The following PARVB variants were observed in gnomAD, a reference collection of about 807,000 sequenced individuals.
The protein encoded by PARVB is beta-parvin.
Under a neutral mutation model 47.0 loss-of-function variants are expected in PARVB, and 46 were observed. The ratio of observed to expected loss-of-function variants is 0.98; its 90% CI spans 0.77 to 1.25. PARVB has a LOEUF of 1.25. PARVB is among the 50% of genes most tolerant of loss of function. The pLI is 0.00. For missense variants in PARVB, 473 were observed against 471.6 expected (o/e 1.00, Z -0.03); for synonymous variants, 196 against 196.3 (o/e 1.00, Z 0.01).
chr22:44,125,458 G>A lies in PARVB; in HGVS notation c.377-6029G>A, dbSNP rs2147143453. 6.6e-6 allele frequency among the ~76,000 whole-genome samples: 1 copy of A among 152,298 alleles called. No individual in the cohort carries two copies. The highest frequency in any genetic ancestry group is 2.4e-5 in the African/African-American group (1 of 41,564). ...TAGGAGGAAAGTAATAGAAGGTTAT[G>A]GGGTACAGTGGTGGGTGGGGGTTGG... On this transcript the variant is annotated intron_variant, in intron 4 of 12. Transcript: ENST00000338758. This position sits in a 1 kb window ranked among gnomAD's most constrained non-coding sequence, Gnocchi z 4.1.
intron 1 of PARVB, among the ~76,000 whole-genome samples, chr22:44,092,167 C>G (rs141716590): frequency 0.065 from 9,848 of 152,112 alleles, 372 homozygotes; most frequent in Middle Eastern, 0.11. Context: ...CTGGAGTGCA[C>G]TGGTGTGATC....
chr22:44,078,328 C>T (rs564659594), intron 1 of PARVB, among the ~76,000 whole-genome samples: 3 of 152,288 alleles, frequency 2.0e-5, no homozygotes, highest in African/African-American at 2.4e-5. Flanking sequence ...TGGTTAGACC[C>T]GGACCTGCCT....
rs1363754680 is a variant in PARVB at position 44,155,848 on chromosome 22, C to G, written c.844-2134C>G. Among the ~76,000 whole-genome samples, 2 of 152,126 alleles carry G rather than the reference C, an allele frequency of 1.3e-5. No individual in the cohort carries two copies. The highest frequency in any genetic ancestry group is 4.8e-5 in the African/African-American group (2 of 41,432). On this transcript the variant is annotated intron_variant, in intron 10 of 12. Transcript: ENST00000338758. This position sits in a 1 kb window ranked among gnomAD's most constrained non-coding sequence, Gnocchi z 4.8. Reference sequence around the variant, plus strand: ...ACATGGAGGCCAAGTGCCATTTGCCCATCAACTGACAGCGTGTTGAATTTC... The same window carrying G: ...ACATGGAGGCCAAGTGCCATTTGCCGATCAACTGACAGCGTGTTGAATTTC...
intron 1 of PARVB, among the ~76,000 whole-genome samples, chr22:44,046,611 G>A (rs1010071897): frequency 6.6e-5 from 10 of 152,190 alleles, no homozygotes; most frequent in Non-Finnish European, 8.8e-5. Context: ...ATTGAGCCTC[G>A]GCAGGCTGGC....
chr22:44,148,226 A>T (rs1042477307), intron 9 of PARVB: 12 of 415,842 alleles, frequency 2.9e-5, no homozygotes, highest in Middle Eastern at 7.6e-4. Context: ...GTTTTTAAGC[A>T]TGTCAGCCTG....
intron 4 of PARVB, among the ~76,000 whole-genome samples, chr22:44,129,731 C>T (rs1170795856): frequency 2.0e-5 from 3 of 152,198 alleles, no homozygotes; most frequent in Non-Finnish European, 2.9e-5. Flanking sequence ...AAGCGGGAAT[C>T]GTTTCCACTC....
chr22:44,028,043 C>G (rs74279267), intron 1 of PARVB, among the ~76,000 whole-genome samples: 12,383 of 151,752 alleles, frequency 0.082, 645 homozygotes, highest in Middle Eastern at 0.19. Context: ...GTGTCCCCAC[C>G]TATCCCTTCT....
intron 1 of PARVB, among the ~76,000 whole-genome samples, chr22:44,067,383 A>G (rs1025746303): frequency 1.3e-5 from 2 of 152,246 alleles, no homozygotes; most frequent in Non-Finnish European, 2.9e-5. Flanking sequence ...AAAGCTAATC[A>G]CATTTCCTTT....
intron 8 of PARVB, chr22:44,146,969 G>GC (rs1456967494): frequency 3.9e-5 from 6 of 152,576 alleles, no homozygotes; most frequent in African/African-American, 1.4e-4. Context: ...TGGCAGTGAT[G>GC]CCCCACAGCT....
Position 44,012,977 on chromosome 22 carries a change from A to G in PARVB, c.211+13304A>G, listed in dbSNP as rs183250455. ...AGTTGCGCGATGTCAGCTTACTGCAACCTCCACCTCCCGGGTTCAGGCGAT... is the reference window on the plus strand; with the variant it reads ...AGTTGCGCGATGTCAGCTTACTGCAGCCTCCACCTCCCGGGTTCAGGCGAT... On this transcript the variant is annotated intron_variant, in intron 2 of 13. Coordinates refer to the PARVB transcript ENST00000406477. Among the ~76,000 whole-genome samples, 1,013 of 151,714 alleles carry G rather than the reference A, an allele frequency of 6.7e-3. 3 individuals carry two copies. Among genetic ancestry groups the G allele is most frequent in the Non-Finnish European group, 0.011 (762 of 67,936 alleles).
intron 3 of PARVB, among the ~76,000 whole-genome samples, chr22:44,116,602 C>T (rs922258215): frequency 1.3e-5 from 2 of 152,200 alleles, no homozygotes; most frequent in African/African-American, 2.4e-5. Flanking sequence ...GCTGGTGCTG[C>T]GGACAGAGCC....
intron 4 of PARVB, among the ~76,000 whole-genome samples, chr22:44,128,205 C>T (rs2053231802): frequency 6.6e-6 from 1 of 152,190 alleles, no homozygotes; most frequent in African/African-American, 2.4e-5. Flanking sequence ...CTGCATATGG[C>T]CAGAGTGAGG....
intron 1 of PARVB, among the ~76,000 whole-genome samples, chr22:44,042,073 G>A (rs775191764): frequency 9.2e-5 from 14 of 152,074 alleles, no homozygotes; most frequent in African/African-American, 1.4e-4. Flanking sequence ...GTGAGCAGAC[G>A]AAATAATAAA....
chr22:44,084,890 C>T (rs1276814613), intron 1 of PARVB, among the ~76,000 whole-genome samples: 1 of 152,232 alleles, frequency 6.6e-6, no homozygotes, highest in African/African-American at 2.4e-5. Context: ...GTACATAACC[C>T]TGCCAGGACA....
intron 1 of PARVB, among the ~76,000 whole-genome samples, chr22:44,056,814 A>G (rs1287143827): frequency 1.3e-5 from 2 of 151,544 alleles, no homozygotes; most frequent in African/African-American, 4.9e-5. Flanking sequence ...TTTGTGCCCC[A>G]GTTTTCTCAA....
chr22:44,029,735 C>T lies in PARVB; in HGVS notation c.112+5284C>T, dbSNP rs930935714. ...GACCAGCCTGGCCAACGTGGTGAAA[C>T]CCCATCTCTACTAAAAATACAAAAA... On this transcript the variant is annotated intron_variant, in intron 1 of 12. Coordinates refer to ENST00000338758, the MANE Select transcript of PARVB (RefSeq NM_013327.5). Among the ~76,000 whole-genome samples the T allele has an allele frequency of 3.2e-4, 48 of 152,126 alleles. 1 individual carries two copies. The highest frequency in any genetic ancestry group is 8.8e-5 in the Non-Finnish European group (6 of 68,032).
Position 44,033,048 on chromosome 22 carries a change from A to G in PARVB, c.112+8597A>G, listed in dbSNP as rs560588294. ...ATTGCAGTGAGAATGTTGGTATCTT[A>G]ACTCTTCCCCTAGCTGTCTGTGGCT... On this transcript the variant is annotated intron_variant, in intron 1 of 12. Coordinates refer to ENST00000338758, the MANE Select transcript of PARVB (RefSeq NM_013327.5). Among the ~76,000 whole-genome samples the G allele has an allele frequency of 2.0e-5, 3 of 152,240 alleles. No individual in the cohort carries two copies. In the East Asian group the frequency reaches 5.8e-4, roughly 29 times the overall value.
chr22:44,079,726 G>A (rs920200042), intron 1 of PARVB, among the ~76,000 whole-genome samples: 3 of 152,236 alleles, frequency 2.0e-5, no homozygotes, highest in East Asian at 1.9e-4. Context: ...TCAGGAGTTC[G>A]AGACCAGCCT....
At chr22:44,079,748 T>A (rs1485850324) in intron 1 of PARVB, among the ~76,000 whole-genome samples, 3 of 152,080 alleles carry the variant, frequency 2.0e-5, no homozygotes, top group Admixed American at 6.5e-5. Context: ...GCCAACATGG[T>A]GAAACCCCGT....
Sources: gnomAD v4.1 joint callset for allele counts (sites outside exome capture counted in the v4.1 genomes callset) on GRCh38, gnomAD v4.1.1 for gene constraint, Gnocchi (gnomAD v3.1) non-coding constraint, MANE v1.5 for transcripts, NCBI Gene and HGNC (gene_info 2026-07-23, HGNC 2026-07-21) for gene names.